Variants in ACIN1 observed in about 807,000 individuals in gnomAD.
The protein encoded by ACIN1 is apoptotic chromatin condensation inducer in the nucleus.
ACIN1 carries 16 observed loss-of-function variants against 146.6 expected under a neutral mutation model. The observed-to-expected ratio is 0.11, with a 90% CI of 0.07 to 0.17. ACIN1 has a LOEUF of 0.17. Ranked by LOEUF, ACIN1 falls within the 10% of genes least tolerant of loss-of-function variation. The pLI, the probability that ACIN1 is intolerant of heterozygous loss-of-function variation, is 1.00. For missense variants in ACIN1, 1,357 were observed against 1,609.3 expected, an observed-to-expected ratio of 0.84 and a Z score of 2.68; for synonymous variants, 569 against 582.7, an observed-to-expected ratio of 0.98 and a Z score of 0.34.
chr14:23,064,026 T>G (rs1190603224), intron 12 of ACIN1, 79 bp downstream of exon 12: 10 of 1,576,204 alleles, frequency 6.3e-6, no homozygotes, highest in Non-Finnish European at 8.6e-6. Context: ...CTCCAAAGAC[T>G]TTATCTCAGC....
chr14:23,064,892 G>A lies in ACIN1; in HGVS notation c.2309-404C>T, dbSNP rs1262524494. Reference sequence around the variant, plus strand: ...CAGCCTGGTGACAGAGCAAGACTCCGTCTCAAAAAAAAAAAAAGAAAAGAA... The same window carrying A: ...CAGCCTGGTGACAGAGCAAGACTCCATCTCAAAAAAAAAAAAAGAAAAGAA... On this transcript the variant is annotated intron_variant, in intron 10 of 18. Transcript: ENST00000605057. Among the ~76,000 whole-genome samples the A allele has an allele frequency of 8.2e-5, 3 of 36,552 alleles. No homozygotes were observed. In the African/African-American group the frequency reaches 1.2e-3, roughly 14 times the overall value. 24.0% of individuals were successfully genotyped at this position (36,552 alleles called of 152,430 possible). A position where few individuals can be genotyped will look rare whatever the true frequency, so the allele number is the denominator to read the frequency against.
In ACIN1 at chr14:23,062,159, G is replaced by A. The variant is rs746286926; in HGVS notation, c.3099+9C>T. ...CCCCTCCTCTCTTTCCTCTCCCTAGGTTTCTTACCTCATCTTGCTCGGCAT... is the reference window on the plus strand; with the variant it reads ...CCCCTCCTCTCTTTCCTCTCCCTAGATTTCTTACCTCATCTTGCTCGGCAT... On this transcript the variant is annotated intron_variant, in intron 16 of 18. Transcript: ENST00000605057. 1 of 1,611,782 alleles carries A rather than the reference G, an allele frequency of 6.2e-7. No homozygotes were observed. Among genetic ancestry groups the A allele is most frequent in the Non-Finnish European group, 8.5e-7 (1 of 1,178,134 alleles).
At position 23,061,971 on chromosome 14, in the gene ACIN1, C is replaced by CAAAA. The variant is rs57962360; in HGVS notation, c.3099+193_3099+196dup. 6.4e-4 allele frequency among the ~76,000 whole-genome samples: 38 copies of CAAAA among 59,104 alleles called. 1 individual carries two copies. The highest frequency in any genetic ancestry group is 1.4e-3 in the African/African-American group (19 of 13,634). 38.8% of individuals were successfully genotyped at this position (59,104 alleles called of 152,430 possible). On this transcript the variant is annotated intron_variant, in intron 16 of 18. Coordinates refer to ENST00000605057, the MANE Select transcript of ACIN1 (RefSeq NM_001386863.1). ...CCTGGGAGACAGCGAGACTCTGTCT[C>CAAAA]AAAAAAAAAAAAAAAAAAAAAAGGA...
At chr14:23,073,703 T>C (rs181310753) in intron 8 of ACIN1, among the ~76,000 whole-genome samples, 2 of 152,286 alleles carry the variant, frequency 1.3e-5, no homozygotes, top group Admixed American at 1.3e-4. Flanking sequence ...ACAAACAATG[T>C]TACACCACAG....
In ACIN1 at chr14:23,068,374, C is replaced by T; in HGVS notation, c.2265+1102G>A. ...GGCACAAGCTCTTCTTGGGGTGTCC[C>T]AAGTAGGGAGATGATGCAAGTCCAC... On this transcript the variant is annotated intron_variant, in intron 9 of 18. Transcript: ENST00000605057. The surrounding 1 kb of genome is among the most constrained non-coding windows in gnomAD (Gnocchi z 4.3). The T allele has an allele frequency of 1.0e-6, 1 of 985,934 alleles. No homozygotes were observed. Among genetic ancestry groups the T allele is most frequent in the Non-Finnish European group, 1.2e-6 (1 of 829,968 alleles). 61.1% of individuals were successfully genotyped at this position (985,934 alleles called of 1,614,324 possible). A position where few individuals can be genotyped will look rare whatever the true frequency, so the allele number is the denominator to read the frequency against.
rs367673293 is a variant in ACIN1, at chr14:23,062,179, C to T, written c.3088G>A (p.Glu1030Lys). The T allele has an allele frequency of 3.1e-5, 50 of 1,613,698 alleles. No individual in the cohort carries two copies. Among genetic ancestry groups the T allele is most frequent in the African/African-American group, 4.0e-5 (3 of 74,846 alleles). ...CCTAGGTTTCTTACCTCATCTTGCT[C>T]GGCATAGTCAGCACAAAGGAATTTG... ...NPKFLCADYA[E>K]QDELDYHRGL... Residue 1030 changes from glutamate to lysine, a missense_variant, in exon 16 of 19, where the codon GAG becomes AAG. By Grantham distance (56) the Glu-to-Lys change is moderately conservative. Around this residue, in one of 4 missense-constraint regions of ACIN1, gnomAD observed 509 missense variants for 719.6 expected, o/e 0.71. Coordinates refer to ENST00000605057, the MANE Select transcript of ACIN1 (RefSeq NM_001386863.1).
At chr14:23,082,035 T>C (rs2047956202) in intron 4 of ACIN1, among the ~76,000 whole-genome samples, 199 bp from the exon 5 acceptor site, 1 of 152,242 alleles carries the variant, frequency 6.6e-6, no homozygotes, top group African/African-American at 2.4e-5. Context: ...TTGGTAATTC[T>C]TGGTGTGCAA....
chr14:23,061,658 G>C (rs2047284809), intron 16 of ACIN1, 36 bp from the exon 17 acceptor site: 9 of 1,485,412 alleles, frequency 6.1e-6, no homozygotes, highest in Non-Finnish European at 8.1e-6. Flanking sequence ...AGTTAGGATA[G>C]AGGTGATATC....
intron 8 of ACIN1, chr14:23,071,028 A>G: frequency 7.1e-7 from 1 of 1,400,936 alleles, no homozygotes; most frequent in Non-Finnish European, 9.8e-7. Flanking sequence ...AAACAAACCA[A>G]AACGAAAGAC....
chr14:23,075,982 T>A (rs111493761), intron 8 of ACIN1, among the ~76,000 whole-genome samples: 1 of 152,188 alleles, frequency 6.6e-6, no homozygotes, highest in Admixed American at 6.5e-5. Context: ...ATTACAGGCA[T>A]GAGTCACCAC....
chr14:23,069,648 G>GGGCCCCC, intron 8 of ACIN1, 31 bp from the exon 9 acceptor site: 1 of 589,384 alleles, frequency 1.7e-6, no homozygotes, highest in Non-Finnish European at 3.2e-6. Context: ...TGGTGGGGGG[G>GGGCCCCC]CGGGCAGAAA....
chr14:23,064,073 T>C (rs1399394681), intron 12 of ACIN1, 32 bp downstream of exon 12: 3 of 1,612,688 alleles, frequency 1.9e-6, no homozygotes, highest in Non-Finnish European at 2.5e-6. Context: ...TGCTCCCACC[T>C]TTCCCCTGAC....
chr14:23,059,611 T>TC lies in ACIN1; in HGVS notation c.3526-138dup, dbSNP rs1435420041. 9.0e-6 allele frequency: 6 copies of TC among 669,690 alleles called. No individual in the cohort carries two copies. The Admixed American group carries it at 9.9e-5, about 11-fold the overall frequency. The allele number at this position is 669,690 out of a possible 1,614,324, so 41.5% of individuals were successfully genotyped here. A position where few individuals can be genotyped will look rare whatever the true frequency, so the allele number is the denominator to read the frequency against. ...AGGGGTTGGGGGCTCAACAACTGCATCCTGTCTTTCTTAGAGCACCTCTCT... is the reference window on the plus strand; with the variant it reads ...AGGGGTTGGGGGCTCAACAACTGCATCCCTGTCTTTCTTAGAGCACCTCTCT... On this transcript the variant is annotated intron_variant, in intron 18 of 18. Transcript: ENST00000605057.
chr14:23,079,966 G>T lies in ACIN1; in HGVS notation c.1369C>A (p.Gln457Lys), dbSNP rs1197218395. 6.2e-7 allele frequency: 1 copy of T among 1,614,082 alleles called. No homozygotes were observed. The highest frequency in any genetic ancestry group is 8.5e-7 in the Non-Finnish European group (1 of 1,180,040). The part of the protein sequence containing the change: ...QKSTLADYSA[Q>K]KDLEPESDRS... The stretch of plus-strand genomic sequence containing the variant: ...TCTGACTCAGGTTCAAGATCCTTCT[G>T]GGCTGAGTAGTCAGCCAGTGTGCTT... The change falls in exon 6 of 19, where the codon CAG becomes AAG. Residue 457 changes from glutamine to lysine, a missense_variant. Physicochemically the swap from Gln to Lys is moderately conservative, Grantham distance 53. Coordinates refer to ENST00000605057, the MANE Select transcript of ACIN1 (RefSeq NM_001386863.1).
chr14:23,079,188 A>G (rs969170433), intron 6 of ACIN1, 150 bp from the exon 7 acceptor site: 1 of 852,974 alleles, frequency 1.2e-6, no homozygotes, highest in Non-Finnish European at 1.8e-6. Flanking sequence ...GTTTATTCCC[A>G]TTTAGTGGTC....
Position 23,068,983 on chromosome 14 carries a change from G to C in ACIN1, c.2265+493C>G. 1.0e-6 allele frequency: 1 copy of C among 974,054 alleles called. No individual in the cohort carries two copies. 60.3% of individuals were successfully genotyped at this position (974,054 alleles called of 1,614,324 possible). A position where few individuals can be genotyped will look rare whatever the true frequency, so the allele number is the denominator to read the frequency against. ...AGAATGGGCCTTCCGGATCACAAGT[G>C]CTGGCTTCTAAGTAGCTACATCTCT... On this transcript the variant is annotated intron_variant, in intron 9 of 18. Coordinates refer to ENST00000605057, the MANE Select transcript of ACIN1 (RefSeq NM_001386863.1). The surrounding 1 kb of genome is among the most constrained non-coding windows in gnomAD (Gnocchi z 4.3).
chr14:23,078,312 G>T, intron 7 of ACIN1, 46 bp from the exon 8 acceptor site: 2 of 1,568,214 alleles, frequency 1.3e-6, no homozygotes, highest in African/African-American at 1.4e-5. Context: ...ATTTAGATCT[G>T]CTTGGTTCCT....
intron 3 of ACIN1, 30 bp from the exon 4 acceptor site, chr14:23,090,131 G>T: frequency 6.2e-7 from 1 of 1,606,688 alleles, no homozygotes; most frequent in South Asian, 1.1e-5. Flanking sequence ...TCGGGGCAGG[G>T]AGGGAGTGAA....
Position 23,078,139 on chromosome 14 carries a change from T to A in ACIN1, c.2123+12A>T. 1 of 1,612,996 alleles carries A rather than the reference T, an allele frequency of 6.2e-7. No homozygotes were observed. The highest frequency in any genetic ancestry group is 8.5e-7 in the Non-Finnish European group (1 of 1,179,038). ...GTTCCCTGTTATACCCCGGTCGAGA[T>A]ATATCACTTACACAGTGTGATGAAT... On this transcript the variant is annotated intron_variant, in intron 8 of 18. Coordinates refer to ENST00000605057, the MANE Select transcript of ACIN1 (RefSeq NM_001386863.1).
Sources: gnomAD v4.1 joint callset for allele counts (sites outside exome capture counted in the v4.1 genomes callset) on GRCh38, gnomAD v4.1.1 for gene constraint, gnomAD v4.1.1 regional missense constraint, Gnocchi (gnomAD v3.1) non-coding constraint, MANE v1.5 for transcripts, NCBI Gene and HGNC (gene_info 2026-07-23, HGNC 2026-07-21) for gene names.